The following KCTD19 variants were observed in gnomAD, a reference collection of about 807,000 sequenced individuals.
KCTD19 encodes potassium channel tetramerization domain containing 19.
Under a neutral mutation model 103.5 loss-of-function variants are expected in KCTD19, and 67 were observed. The observed-to-expected ratio is 0.65, with a 90% CI of 0.53 to 0.79. The LOEUF is 0.79. KCTD19 is among the 30% of genes least tolerant of loss of function. The pLI is 0.00. For synonymous variants in KCTD19, 439 were observed against 452.2 expected (o/e 0.97, Z 0.37); for missense variants, 980 against 1,136.1 (o/e 0.86, Z 1.98).
Position 67,326,736 on chromosome 16 carries a change from G to T in KCTD19, c.-29C>A. The T allele has an allele frequency of 1.9e-6, 3 of 1,566,500 alleles. No homozygotes were observed. Among genetic ancestry groups the T allele is most frequent in the Non-Finnish European group, 1.7e-6 (2 of 1,162,150 alleles). ...CGCGGCTCCAGCAGCGGGCGGGCGG[G>T]CTTGTGACCCGGCCAATAACGGTTC... On this transcript the variant is annotated 5_prime_UTR_variant, in exon 1 of 16. Transcript: ENST00000304372.
At chr16:67,291,134 C>T in intron 14 of KCTD19, 148 bp from the exon 15 acceptor site, 1 of 1,180,210 alleles carries the variant, frequency 8.5e-7, no homozygotes, top group Non-Finnish European at 1.2e-6. Flanking sequence ...GGCCGAGGCT[C>T]AGTCCAGGTG....
intron 2 of KCTD19, among the ~76,000 whole-genome samples, chr16:67,309,085 T>G (rs1317494949): frequency 7.1e-6 from 1 of 141,230 alleles, no homozygotes; most frequent in Admixed American, 7.6e-5. Context: ...GCCGAGATCA[T>G]GCCACTGCAC....
At position 67,320,763 on chromosome 16, in the gene KCTD19, C is replaced by G. The variant is rs2037063992; in HGVS notation, c.126G>C (p.Glu42Asp). 6.2e-7 allele frequency: 1 copy of G among 1,614,168 alleles called. No individual in the cohort carries two copies. Among genetic ancestry groups the G allele is most frequent in the Non-Finnish European group, 8.5e-7 (1 of 1,180,022 alleles). The change falls in exon 2 of 16, where the codon GAG (glutamate) becomes GAC (aspartate). Residue 42 changes from glutamate (E) to aspartate (D), a missense_variant. By Grantham distance (45) the Glu-to-Asp change is conservative. Transcript: ENST00000304372. This position sits in a 1 kb window ranked among gnomAD's most constrained non-coding sequence, Gnocchi z 4.0. ...TTTCTGAAGAGGTCAAGGCTGAAGC[C>G]TCTTTCCACAGCAGGGAGTCTGGAA... The part of the protein sequence containing the change: ...SQFPDSLLWK[E>D]ASALTSSESQ...
chr16:67,295,119 G>A, intron 9 of KCTD19, 63 bp from the exon 10 acceptor site: 3 of 1,567,478 alleles, frequency 1.9e-6, no homozygotes, highest in East Asian at 4.5e-5. Context: ...GGGAGCATGA[G>A]CTCCTGGAAC....
intron 15 of KCTD19, 131 bp downstream of exon 15, chr16:67,290,754 G>T: frequency 1.4e-6 from 1 of 729,992 alleles, no homozygotes; most frequent in South Asian, 1.9e-5. Context: ...CTCCCTCCCT[G>T]GGAGCAGTGG....
At position 67,326,702 on chromosome 16, in the gene KCTD19, T is replaced by C; in HGVS notation, c.3+3A>G. On this transcript the variant is annotated splice_donor_region_variant and intron_variant, in intron 1 of 15. Transcript: ENST00000304372. ...GGCGCCCCCGCCAGAGCGGGCTCCG[T>C]ACCATGGTCGCGGCTCCAGCAGCGG... The C allele has an allele frequency of 6.3e-7, 1 of 1,579,550 alleles. No individual in the cohort carries two copies. Among genetic ancestry groups the C allele is most frequent in the Non-Finnish European group, 8.6e-7 (1 of 1,167,580 alleles).
intron 2 of KCTD19, among the ~76,000 whole-genome samples, chr16:67,315,976 C>T (rs1430746714): frequency 2.6e-5 from 4 of 152,132 alleles, no homozygotes; most frequent in Non-Finnish European, 5.9e-5. Context: ...CCCTTTGCCC[C>T]TTTTTCATTC....
intron 1 of KCTD19, among the ~76,000 whole-genome samples, chr16:67,322,520 G>A (rs2037086589): frequency 6.6e-6 from 1 of 152,100 alleles, no homozygotes. Flanking sequence ...GCATGGTCTC[G>A]ATCTCCTGAC....
In KCTD19 at chr16:67,323,421, G is replaced by A. The variant is rs982468690; in HGVS notation, c.4-2536C>T. ...GCTTGTAATCCCAGCACTTTGGAAG[G>A]CTGAGGCAGGAGATTCACTTGAGCC... On this transcript the variant is annotated intron_variant, in intron 1 of 15. Transcript: ENST00000304372. The surrounding 1 kb of genome is among the most constrained non-coding windows in gnomAD (Gnocchi z 4.1). Among the ~76,000 whole-genome samples the A allele has an allele frequency of 5.3e-5, 8 of 152,344 alleles. No individual in the cohort carries two copies. Among genetic ancestry groups the A allele is most frequent in the Admixed American group, 2.6e-4 (4 of 15,296 alleles).
At chr16:67,315,643 G>A (rs936884490) in intron 2 of KCTD19, among the ~76,000 whole-genome samples, 14 of 151,974 alleles carry the variant, frequency 9.2e-5, no homozygotes, top group African/African-American at 2.2e-4. Context: ...CACCATGCCC[G>A]GCTAATTTTT....
At chr16:67,302,500 C>G (rs892271990) in intron 4 of KCTD19, 6 of 156,890 alleles carry the variant, frequency 3.8e-5, no homozygotes, top group Non-Finnish European at 8.4e-5. Flanking sequence ...ACTGCCCTAT[C>G]TATCTAGACA....
At chr16:67,308,376 G>A (rs142151476) in intron 2 of KCTD19, among the ~76,000 whole-genome samples, 1 of 151,906 alleles carries the variant, frequency 6.6e-6, no homozygotes, top group Admixed American at 6.6e-5. Context: ...TGTGGCCCAG[G>A]CTGGTCTCAA....
chr16:67,292,932 C>T (rs1257217898), intron 12 of KCTD19, among the ~76,000 whole-genome samples: 1 of 152,018 alleles, frequency 6.6e-6, no homozygotes, highest in African/African-American at 2.4e-5. Flanking sequence ...CTTGGCCCAT[C>T]CCTCCTTCCC....
At chr16:67,305,565 G>A (rs1350379800) in intron 2 of KCTD19, 9 of 454,772 alleles carry the variant, frequency 2.0e-5, no homozygotes, top group African/African-American at 8.0e-5. Context: ...AGCCCAGGGC[G>A]GTCTTCGTGC....
chr16:67,297,025 C>T (rs1363168680), intron 7 of KCTD19, among the ~76,000 whole-genome samples: 1 of 152,210 alleles, frequency 6.6e-6, no homozygotes, highest in African/African-American at 2.4e-5. Context: ...CTTTGTCCCC[C>T]AAATTTTTGG....
chr16:67,297,360 T>G, intron 7 of KCTD19, 143 bp downstream of exon 7: 2 of 823,378 alleles, frequency 2.4e-6, no homozygotes, highest in South Asian at 3.5e-5. Flanking sequence ...AAAGTTTCCC[T>G]TTTGTAAAAA....
chr16:67,326,452 A>C (rs2037172384), intron 1 of KCTD19, among the ~76,000 whole-genome samples: 1 of 151,936 alleles, frequency 6.6e-6, no homozygotes, highest in African/African-American at 2.4e-5. Flanking sequence ...CCACCCCGTC[A>C]AAGGGGCACA....
chr16:67,296,088 A>G, intron 8 of KCTD19, 71 bp downstream of exon 8: 1 of 896,346 alleles, frequency 1.1e-6, no homozygotes, highest in South Asian at 1.3e-5. Flanking sequence ...TGTGAGGGCC[A>G]GGTGATGGCC....
In KCTD19 at chr16:67,303,108, C is replaced by CTGGG; in HGVS notation, c.643+37_643+38insCCCA. On this transcript the variant is annotated intron_variant, in intron 4 of 15. Transcript: ENST00000304372. The surrounding 1 kb of genome is among the most constrained non-coding windows in gnomAD (Gnocchi z 4.3). The stretch of plus-strand genomic sequence containing the variant: ...ATGGGGAGGGGTGAATGGGCCCTAT[C>CTGGG]AGCCCGCCCCCCACCCCACCCCGGA... The CTGGG allele has an allele frequency of 2.5e-6, 2 of 798,078 alleles. No individual in the cohort carries two copies. The highest frequency in any genetic ancestry group is 4.2e-6 in the Non-Finnish European group (2 of 476,660). 49.4% of individuals were successfully genotyped at this position (798,078 alleles called of 1,614,324 possible).
Sources: allele counts gnomAD v4.1 joint callset (sites outside exome capture counted in the v4.1 genomes callset), GRCh38; gene constraint gnomAD v4.1.1; non-coding constraint Gnocchi (gnomAD v3.1); transcripts MANE v1.5; gene names NCBI Gene and HGNC (gene_info 2026-07-23, HGNC 2026-07-21).